AVEN: variants seen among roughly 807,000 people sequenced by gnomAD.
AVEN encodes cell death regulator Aven.
In AVEN, 41 loss-of-function variants were observed where a neutral mutation model predicts 38.1. The ratio of observed to expected loss-of-function variants is 1.08; its 90% confidence interval spans 0.84 to 1.40. AVEN has a LOEUF of 1.40. AVEN is among the 40% of genes most tolerant of loss of function. AVEN has a pLI of 0.00. For synonymous variants in AVEN, 206 were observed against 171.8 expected (o/e 1.20, Z -1.56); for missense variants, 605 against 438.8 (o/e 1.38, Z -3.38).
At chr15:33,928,879 G>A (rs1893733015) in intron 2 of AVEN, among the ~76,000 whole-genome samples, 1 of 152,066 alleles carries the variant, frequency 6.6e-6, no homozygotes, top group Non-Finnish European at 1.5e-5. Context: ...AACAAATAAA[G>A]CAGAATTTCT....
In AVEN at chr15:33,983,170, GTA is replaced by G. The variant is rs1555512775; in HGVS notation, c.445+19860_445+19861del. Among the ~76,000 whole-genome samples, 326 of 126,604 alleles carry G rather than the reference GTA, an allele frequency of 2.6e-3. 5 individuals are homozygous for G. The highest frequency in any genetic ancestry group is 0.01 in the South Asian group (39 of 3,846). The allele number at this position is 126,604 out of a possible 152,430, so 83.1% of individuals were successfully genotyped here. Reference sequence around the variant, plus strand: ...TGTGTGTGTGTGTGTATGTGTGTGTGTATATATACACACGTGTGTGTATGTGT... The same window carrying G: ...TGTGTGTGTGTGTGTATGTGTGTGTGTATATACACACGTGTGTGTATGTGT... On this transcript the variant is annotated intron_variant, in intron 2 of 5. Transcript: ENST00000306730.
chr15:33,876,942 T>A (rs1354465390), intron 2 of AVEN, among the ~76,000 whole-genome samples: 1 of 152,166 alleles, frequency 6.6e-6, no homozygotes, highest in African/African-American at 2.4e-5. Context: ...CCTTCCCACA[T>A]GACTTTTTGA....
rs1278782322 is a variant in AVEN, at chr15:33,870,961, G to C, written c.586C>G (p.Leu196Val). 1.2e-6 allele frequency: 2 copies of C among 1,611,356 alleles called. No homozygotes were observed. Among genetic ancestry groups the C allele is most frequent in the Middle Eastern group, 1.6e-4 (1 of 6,066 alleles). Residue 196 changes from leucine (L) to valine (V), a missense_variant, in exon 4 of 6, where the codon CTC (leucine) becomes GTC (valine). Coordinates refer to ENST00000306730, the MANE Select transcript of AVEN (RefSeq NM_020371.3). ...ALQELPLCLR[L>V]NVAAELVQGT... ...TGGACCAGTTCGGCAGCAACGTTGA[G>C]TCGGAGGCAGAGAGGCAGCTCTTGA...
chr15:33,865,234 T>G, downstream of AVEN: 1 of 1,597,558 alleles, frequency 6.3e-7, no homozygotes, highest in Non-Finnish European at 8.6e-7. Flanking sequence ...TAAATCTGAA[T>G]CAAAGAAGCG....
At chr15:33,972,766 C>T (rs1362848959) in intron 2 of AVEN, among the ~76,000 whole-genome samples, 2 of 152,116 alleles carry the variant, frequency 1.3e-5, no homozygotes, top group Non-Finnish European at 2.9e-5. Flanking sequence ...CCAACTAATC[C>T]TTCCACACTG....
chr15:33,889,248 T>C (rs1419633075), intron 2 of AVEN, among the ~76,000 whole-genome samples: 1 of 152,174 alleles, frequency 6.6e-6, no homozygotes, highest in Non-Finnish European at 1.5e-5. Context: ...AAATGACATA[T>C]AAATTCAAAA....
At chr15:33,995,437 G>T (rs1306268293) in intron 2 of AVEN, among the ~76,000 whole-genome samples, 1 of 152,088 alleles carries the variant, frequency 6.6e-6, no homozygotes, top group Non-Finnish European at 1.5e-5. Context: ...TTTTTGCATA[G>T]GTTATATGCA....
intron 1 of AVEN, among the ~76,000 whole-genome samples, chr15:34,035,629 G>A (rs566083622): frequency 1.3e-5 from 2 of 151,980 alleles, no homozygotes; most frequent in African/African-American, 2.4e-5. Context: ...TTAAGTACTC[G>A]ACAAATGTGA....
chr15:33,961,812 CAAAAAAAAAAAAA>C (rs138076873), intron 2 of AVEN, among the ~76,000 whole-genome samples: 1 of 71,966 alleles, frequency 1.4e-5, no homozygotes, highest in Non-Finnish European at 2.4e-5. Context: ...GACTCTGTCT[CAAAAAAAAAAAAA>C]AAAAAAAAAA....
At chr15:34,047,666 C>T (rs940108759) in intron 5 of AVEN, among the ~76,000 whole-genome samples, 6 of 152,156 alleles carry the variant, frequency 3.9e-5, no homozygotes, top group Admixed American at 2.6e-4. Flanking sequence ...TTTGGAGAAT[C>T]GAAACAGTCC....
intron 2 of AVEN, among the ~76,000 whole-genome samples, chr15:33,999,332 C>T (rs1897052984): frequency 6.6e-6 from 1 of 152,172 alleles, no homozygotes; most frequent in Non-Finnish European, 1.5e-5. Context: ...CCGCTACTTG[C>T]CCTCTCAACA....
In AVEN at chr15:33,867,562, G is replaced by GATGTTATCTCCCTCTTTT; in HGVS notation, c.888_905dup (p.Lys297_Ile302dup). The GATGTTATCTCCCTCTTTT allele has an allele frequency of 1.2e-6, 2 of 1,614,032 alleles. No homozygotes were observed. On this transcript the variant is annotated inframe_insertion, in exon 5 of 6. Transcript: ENST00000306730. ...GGTCCTGAGACGTCTGATCTGGTAAGATGTTATCTCCCTCTTTTATAGGTG... is the reference window on the plus strand; with the variant it reads ...GGTCCTGAGACGTCTGATCTGGTAAGATGTTATCTCCCTCTTTTATGTTATCTCCCTCTTTTATAGGTG...
intron 2 of AVEN, among the ~76,000 whole-genome samples, chr15:33,982,512 C>T (rs1326004929): frequency 6.6e-6 from 1 of 152,188 alleles, no homozygotes; most frequent in Non-Finnish European, 1.5e-5. Context: ...AAATCTCAGT[C>T]CCAATGGTCA....
chr15:33,875,815 A>G, intron 3 of AVEN, 110 bp downstream of exon 3: 5 of 1,074,410 alleles, frequency 4.7e-6, no homozygotes, highest in Non-Finnish European at 6.8e-6. Flanking sequence ...GGTACACTGT[A>G]AGAATTACTA....
At chr15:33,913,426 T>C (rs989552839) in intron 2 of AVEN, among the ~76,000 whole-genome samples, 7 of 152,172 alleles carry the variant, frequency 4.6e-5, no homozygotes, top group Non-Finnish European at 8.8e-5. Context: ...CATCATTAAT[T>C]TGGGACTGGG....
intron 2 of AVEN, among the ~76,000 whole-genome samples, chr15:33,963,447 A>C (rs1411654201): frequency 6.6e-6 from 1 of 152,184 alleles, no homozygotes; most frequent in African/African-American, 2.4e-5. Flanking sequence ...TTTTGTATGA[A>C]GTGCTTCCCT....
intron 2 of AVEN, among the ~76,000 whole-genome samples, chr15:33,897,262 C>T (rs1366956366): frequency 6.6e-6 from 1 of 150,448 alleles, no homozygotes; most frequent in Admixed American, 6.7e-5. Context: ...GAATTTTGCT[C>T]AACATAAATT....
At chr15:33,865,403 G>GACAT (rs1268155540), downstream of AVEN, 5 of 576,972 alleles carry the variant, frequency 8.7e-6, no homozygotes, top group Non-Finnish European at 1.2e-5. Context: ...GTGCCTAATG[G>GACAT]ACATACACTG....
downstream of AVEN, among the ~76,000 whole-genome samples, chr15:33,862,751 C>T (rs2153022673): frequency 1.3e-5 from 2 of 152,212 alleles, no homozygotes; most frequent in South Asian, 2.1e-4. Flanking sequence ...GCTGGGACTA[C>T]AGGCACCTGC....
Sources: allele counts gnomAD v4.1 joint callset (sites outside exome capture counted in the v4.1 genomes callset), GRCh38; gene constraint gnomAD v4.1.1; transcripts MANE v1.5; gene names NCBI Gene and HGNC (gene_info 2026-07-23, HGNC 2026-07-21).